Variants in BMAL1 observed in about 807,000 individuals in gnomAD.
BMAL1 encodes basic helix-loop-helix ARNT-like protein 1.
the BMAL1 span, among the ~76,000 whole-genome samples, chr11:13,329,953 T>G: frequency 6.6e-6 from 1 of 152,222 alleles, no homozygotes; most frequent in South Asian, 2.1e-4. Flanking sequence ...TTAAAGATGC[T>G]GTTGTGAGTG....
chr11:13,321,979 G>A, the BMAL1 span, among the ~76,000 whole-genome samples: 1,981 of 152,160 alleles, frequency 0.013, 46 homozygotes, highest in African/African-American at 0.044. Context: ...TCTGGGGTTC[G>A]GGTGGTCCTA....
At chr11:13,319,959 C>G in the BMAL1 span, among the ~76,000 whole-genome samples, 4 of 152,346 alleles carry the variant, frequency 2.6e-5, no homozygotes, top group South Asian at 8.3e-4. Context: ...TGGCTGTTTC[C>G]TTTACTGAGC....
chr11:13,320,377 G>A, the BMAL1 span, among the ~76,000 whole-genome samples: 1 of 152,112 alleles, frequency 6.6e-6, no homozygotes, highest in South Asian at 2.1e-4. Context: ...ATCCTTTGAG[G>A]GTGCCCTCAG....
chr11:13,334,073 T>G, the BMAL1 span, among the ~76,000 whole-genome samples: 1 of 152,188 alleles, frequency 6.6e-6, no homozygotes, highest in South Asian at 2.1e-4. Flanking sequence ...GTCTTATTTA[T>G]GACTCAAAAT....
At chr11:13,366,876 G>A in the BMAL1 span, 3 of 850,856 alleles carry the variant, frequency 3.5e-6, no homozygotes, top group Non-Finnish European at 5.5e-6. Context: ...GATGGGCTCA[G>A]CCTTTCCAGT....
the BMAL1 span, among the ~76,000 whole-genome samples, chr11:13,314,718 C>G: frequency 6.6e-6 from 1 of 152,238 alleles, no homozygotes; most frequent in Non-Finnish European, 1.5e-5. Context: ...TTCTTGCGAA[C>G]TACTGTCTGA....
At chr11:13,365,234 C>T in the BMAL1 span, among the ~76,000 whole-genome samples, 1 of 151,382 alleles carries the variant, frequency 6.6e-6, no homozygotes, top group African/African-American at 2.4e-5. Flanking sequence ...TGAAATATAA[C>T]TTACTTTAAT....
the BMAL1 span, among the ~76,000 whole-genome samples, chr11:13,362,125 T>C: frequency 6.6e-6 from 1 of 152,196 alleles, no homozygotes; most frequent in Non-Finnish European, 1.5e-5. Context: ...CAGAGCCACA[T>C]GCATTTGCTC....
At chr11:13,344,127 C>T in the BMAL1 span, among the ~76,000 whole-genome samples, 5 of 152,164 alleles carry the variant, frequency 3.3e-5, no homozygotes, top group Admixed American at 1.3e-4. Flanking sequence ...AGCCAGGCCA[C>T]CCGGCAAACC....
chr11:13,298,703 A>G, the BMAL1 span, among the ~76,000 whole-genome samples: 2 of 152,192 alleles, frequency 1.3e-5, no homozygotes, highest in East Asian at 3.8e-4. Context: ...TGCTTAGCAC[A>G]CTGGAAGCAC....
At chr11:13,373,922 G>GA in the BMAL1 span, among the ~76,000 whole-genome samples, 5 of 151,590 alleles carry the variant, frequency 3.3e-5, no homozygotes, top group East Asian at 3.9e-4. Context: ...TCAGATGCCT[G>GA]AAAAAAAGAG....
At chr11:13,276,879 G>A in the BMAL1 span, 4 of 152,228 alleles carry the variant, frequency 2.6e-5, no homozygotes, top group African/African-American at 7.2e-5. Flanking sequence ...GTTTCCTTCC[G>A]TCTTGCTCCG....
the BMAL1 span, among the ~76,000 whole-genome samples, chr11:13,382,125 G>A: frequency 4.6e-5 from 7 of 152,182 alleles, no homozygotes; most frequent in East Asian, 1.9e-4. Flanking sequence ...TGGGATGGGC[G>A]TGGGGATAGT....
chr11:13,366,901 C>T, the BMAL1 span: 55 of 607,220 alleles, frequency 9.1e-5, no homozygotes, highest in Middle Eastern at 5.3e-3. Context: ...CTTCTCTGTC[C>T]TCTTTCTGGG....
At chr11:13,364,718 T>C in the BMAL1 span, among the ~76,000 whole-genome samples, 4 of 152,216 alleles carry the variant, frequency 2.6e-5, no homozygotes, top group Admixed American at 2.6e-4. Context: ...CTTCAGTCTC[T>C]TTACCAAATG....
the BMAL1 span, among the ~76,000 whole-genome samples, chr11:13,284,267 T>TATATATATATATATA: frequency 5.1e-4 from 6 of 11,764 alleles, no homozygotes; most frequent in African/African-American, 2.0e-3. Flanking sequence ...TATATATATA[T>TATATATATATATATA]TTTTTTTTTT....
chr11:13,378,506 TC>T, the BMAL1 span: 22 of 1,555,578 alleles, frequency 1.4e-5, no homozygotes, highest in Non-Finnish European at 1.7e-5. Flanking sequence ...GGAAATTTTT[TC>T]CCCCAGGCAA....
chr11:13,322,361 A>G, the BMAL1 span, among the ~76,000 whole-genome samples: 1 of 152,140 alleles, frequency 6.6e-6, no homozygotes, highest in Non-Finnish European at 1.5e-5. Context: ...GATTTCTTGA[A>G]GCTCTTTTTT....
At chr11:13,338,978 C>T in the BMAL1 span, among the ~76,000 whole-genome samples, 1 of 152,230 alleles carries the variant, frequency 6.6e-6, no homozygotes, top group Non-Finnish European at 1.5e-5. Context: ...CATAGGCATC[C>T]CACACTGAAC....
Sources: allele counts gnomAD v4.1 joint callset (sites outside exome capture counted in the v4.1 genomes callset), GRCh38; gene constraint gnomAD v4.1.1; transcripts MANE v1.5; gene names NCBI Gene and HGNC (gene_info 2026-07-23, HGNC 2026-07-21).